EYS: variants seen among roughly 807,000 people sequenced by gnomAD.
The protein encoded by EYS is protein eyes shut homolog.
EYS carries 250 observed loss-of-function variants against 282.1 expected under a neutral mutation model. That is an observed-to-expected ratio of 0.89 (90% confidence interval 0.80 to 0.98). The LOEUF (loss-of-function observed/expected upper bound fraction) is 0.98. Ranked by LOEUF, EYS falls within the 50% of genes least tolerant of loss-of-function variation. The probability of loss-of-function intolerance (pLI) is 0.00; values close to 1 mark genes in which losing one functional copy is unlikely to be tolerated. For missense variants in EYS, 4,016 were observed against 3,709.0 expected, an observed-to-expected ratio of 1.08 and a Z score of -2.15; for synonymous variants, 1,355 against 1,282.9, an observed-to-expected ratio of 1.06 and a Z score of -1.20.
intron 14 of EYS, 148 bp downstream of exon 14, chr6:64,997,434 T>G: frequency 1.5e-6 from 1 of 678,128 alleles, no homozygotes; most frequent in Non-Finnish European, 2.3e-6. Flanking sequence ...AAAAAGTTGC[T>G]TGAGTTTCTG....
chr6:64,166,109 A>G lies in EYS; in HGVS notation c.6424+64483T>C, dbSNP rs190798843. 1.3e-4 allele frequency among the ~76,000 whole-genome samples: 20 copies of G among 152,302 alleles called. No individual in the cohort carries two copies. In the East Asian group the frequency reaches 3.9e-3, roughly 29 times the overall value. On this transcript the variant is annotated intron_variant, in intron 31 of 42. Transcript: ENST00000503581. ...GGCAAATGTAGTGGTCATTTATTTCAATTGCTTCTTTAATCAGAAAAACTT... is the reference window on the plus strand; with the variant it reads ...GGCAAATGTAGTGGTCATTTATTTCGATTGCTTCTTTAATCAGAAAAACTT...
intron 41 of EYS, among the ~76,000 whole-genome samples, chr6:63,752,774 T>G (rs933834409): frequency 1.3e-5 from 2 of 152,046 alleles, no homozygotes; most frequent in Non-Finnish European, 2.9e-5. Flanking sequence ...GGATTACAGG[T>G]GTGAGCCACC....
intron 2 of EYS, among the ~76,000 whole-genome samples, chr6:65,575,876 C>A (rs559653174): frequency 6.6e-6 from 1 of 151,974 alleles, no homozygotes; most frequent in African/African-American, 2.4e-5. Context: ...ATACAAAATA[C>A]CAACACTATT....
chr6:64,081,188 G>A (rs1771953242), intron 32 of EYS, among the ~76,000 whole-genome samples: 1 of 152,128 alleles, frequency 6.6e-6, no homozygotes, highest in Non-Finnish European at 1.5e-5. Context: ...CCTCCAATAT[G>A]AGGAATTGTT....
intron 35 of EYS, among the ~76,000 whole-genome samples, chr6:63,895,735 A>G (rs1773519698): frequency 6.6e-6 from 1 of 152,138 alleles, no homozygotes; most frequent in Admixed American, 6.6e-5. Context: ...CCTGAAACCA[A>G]GCACTTAATT....
At chr6:64,845,399 T>C (rs1765688415) in intron 19 of EYS, among the ~76,000 whole-genome samples, 1 of 152,188 alleles carries the variant, frequency 6.6e-6, no homozygotes, top group Non-Finnish European at 1.5e-5. Context: ...AATATACACA[T>C]CTTGGTCTTA....
rs555426524 is a variant in EYS, at chr6:63,873,535, G to A, written c.7056-9177C>T. ...ATATGCCCAGTAATGGGATCGTTGGGTCAAATGGGATTTCTAGTTCTAGAT... is the reference window on the plus strand; with the variant it reads ...ATATGCCCAGTAATGGGATCGTTGGATCAAATGGGATTTCTAGTTCTAGAT... On this transcript the variant is annotated intron_variant, in intron 35 of 42. Coordinates refer to ENST00000503581, the MANE Select transcript of EYS (RefSeq NM_001142800.2). Among the ~76,000 whole-genome samples, 6 of 152,302 alleles carry A rather than the reference G, an allele frequency of 3.9e-5. No individual in the cohort carries two copies. The South Asian group carries it at 1.0e-3, about 26-fold the overall frequency.
intron 12 of EYS, among the ~76,000 whole-genome samples, chr6:65,285,155 A>T (rs952728686): frequency 1.3e-5 from 2 of 152,018 alleles, no homozygotes; most frequent in African/African-American, 4.8e-5. Context: ...AAAATTTAAA[A>T]CATCAAATAA....
intron 2 of EYS, among the ~76,000 whole-genome samples, chr6:65,627,686 G>A (rs1404931271): frequency 6.6e-6 from 1 of 152,210 alleles, no homozygotes; most frequent in Admixed American, 6.5e-5. Context: ...TTAGCACCCG[G>A]GCCAGTGGCT....
chr6:64,138,595 C>A (rs1774239243), intron 31 of EYS, among the ~76,000 whole-genome samples: 1 of 152,054 alleles, frequency 6.6e-6, no homozygotes, highest in Admixed American at 6.6e-5. Context: ...AGAGGCAAGG[C>A]AATTAAATAG....
intron 5 of EYS, among the ~76,000 whole-genome samples, chr6:65,426,885 C>T (rs1767684640): frequency 1.3e-5 from 2 of 151,900 alleles, no homozygotes; most frequent in South Asian, 4.1e-4. Flanking sequence ...TGTTTACATA[C>T]ATGGAAATGT....
At chr6:64,020,126 G>A (rs1165144875) in intron 33 of EYS, among the ~76,000 whole-genome samples, 1 of 152,020 alleles carries the variant, frequency 6.6e-6, no homozygotes, top group Middle Eastern at 3.2e-3. Flanking sequence ...CAGTTAGGTA[G>A]AAGGAATGAA....
At chr6:64,263,504 G>A (rs544683417) in intron 30 of EYS, among the ~76,000 whole-genome samples, 147 of 152,004 alleles carry the variant, frequency 9.7e-4, no homozygotes, top group South Asian at 4.6e-3. Context: ...GAATTTTCCC[G>A]CGGATCTACA....
intron 12 of EYS, among the ~76,000 whole-genome samples, chr6:65,262,666 A>G (rs1168916098): frequency 6.6e-6 from 1 of 152,128 alleles, no homozygotes; most frequent in Non-Finnish European, 1.5e-5. Flanking sequence ...AACAACAATA[A>G]CACATTTATG....
chr6:65,223,667 T>TA (rs1766537319), intron 12 of EYS, among the ~76,000 whole-genome samples: 1 of 152,156 alleles, frequency 6.6e-6, no homozygotes, highest in African/African-American at 2.4e-5. Flanking sequence ...AACAGCACCT[T>TA]ATATCACATT....
rs1462327484 is a variant in EYS, at chr6:64,792,192, TA to T, written c.3443+21185del. Among the ~76,000 whole-genome samples, 3 of 151,924 alleles carry T rather than the reference TA, an allele frequency of 2.0e-5. No homozygotes were observed. In the East Asian group the frequency reaches 5.8e-4, roughly 29 times the overall value. ...GATATAACTTGGCTCCACTTTTAGA[TA>T]TACATATTAACCTTGCCCAAATTAT... On this transcript the variant is annotated intron_variant, in intron 22 of 42. Transcript: ENST00000503581.
intron 5 of EYS, among the ~76,000 whole-genome samples, chr6:65,415,903 C>G (rs1421169679): frequency 2.0e-5 from 3 of 151,872 alleles, no homozygotes; most frequent in Non-Finnish European, 4.4e-5. Context: ...TATATGAGAC[C>G]AGGTAGCATG....
At chr6:63,721,918 G>T in intron 42 of EYS, 121 bp from the exon 43 acceptor site, 2 of 852,912 alleles carry the variant, frequency 2.3e-6, no homozygotes, top group Non-Finnish European at 3.5e-6. Context: ...CAGATCTTGA[G>T]CACAATTGTG....
At position 64,800,082 on chromosome 6, in the gene EYS, T is replaced by C. The variant is rs149485713; in HGVS notation, c.3443+13296A>G. On this transcript the variant is annotated intron_variant, in intron 22 of 42. Transcript: ENST00000503581. Reference sequence around the variant, plus strand: ...ATTTTGGGAGAAGCTTAGAAAACTTTTATGGATAAAGAGAAATCAAAATCA... The same window carrying C: ...ATTTTGGGAGAAGCTTAGAAAACTTCTATGGATAAAGAGAAATCAAAATCA... Among the ~76,000 whole-genome samples the C allele has an allele frequency of 8.0e-4, 122 of 152,160 alleles. No homozygotes were observed. In the Middle Eastern group the frequency reaches 0.01, roughly 13 times the overall value.
Sources: gnomAD v4.1 joint callset for allele counts (sites outside exome capture counted in the v4.1 genomes callset) on GRCh38, gnomAD v4.1.1 for gene constraint, MANE v1.5 for transcripts, NCBI Gene and HGNC (gene_info 2026-07-23, HGNC 2026-07-21) for gene names.